IL1RAPL1: variants seen among roughly 807,000 people sequenced by gnomAD.
The protein encoded by IL1RAPL1 is interleukin 1 receptor accessory protein like 1.
IL1RAPL1 carries 3 observed loss-of-function variants against 48.4 expected under a neutral mutation model. The ratio of observed to expected loss-of-function variants is 0.06; its 90% CI spans 0.03 to 0.16. The LOEUF (loss-of-function observed/expected upper bound fraction) is 0.16. Among genes scored for constraint, IL1RAPL1 ranks in the 10% least tolerant of loss-of-function variants. IL1RAPL1 has a pLI of 1.00. For missense variants in IL1RAPL1, 349 were observed against 530.6 expected (o/e 0.66, Z 3.36); for synonymous variants, 185 against 187.7 (o/e 0.99, Z 0.12).
At chrX:29,356,489 A>G (rs1602191704) in intron 3 of IL1RAPL1, among the ~76,000 whole-genome samples, 2 of 112,161 alleles carry the variant, frequency 1.8e-5, no homozygotes, top group East Asian at 5.6e-4. Context: ...ACATATATGT[A>G]TATAGACATG....
intron 6 of IL1RAPL1, among the ~76,000 whole-genome samples, chrX:29,673,291 C>T (rs1056935807): frequency 9.0e-6 from 1 of 111,275 alleles, no homozygotes; most frequent in Non-Finnish European, 1.9e-5. Flanking sequence ...AATTTGATAC[C>T]GAATTCTGAA....
chrX:29,264,727 G>A (rs1931921868), intron 2 of IL1RAPL1, among the ~76,000 whole-genome samples: 1 of 110,063 alleles, frequency 9.1e-6, no homozygotes, highest in African/African-American at 3.3e-5. Context: ...CAGAAACTGG[G>A]TTCTCAATTA....
chrX:29,278,236 A>G (rs748718726), intron 2 of IL1RAPL1, among the ~76,000 whole-genome samples: 1 of 112,337 alleles, frequency 8.9e-6, no homozygotes, highest in African/African-American at 3.2e-5. Flanking sequence ...AATTAAAAAT[A>G]CTTTTTCTAC....
chrX:28,960,338 T>C (rs1924735033), intron 2 of IL1RAPL1, among the ~76,000 whole-genome samples: 2 of 111,681 alleles, frequency 1.8e-5, no homozygotes, highest in South Asian at 7.5e-4. Context: ...TTTTAAAGTA[T>C]TTCCCAGTAT....
rs568841235 is a variant in IL1RAPL1, at chrX:29,745,627, A to G, written c.778+77123A>G. Among the ~76,000 whole-genome samples the G allele has an allele frequency of 3.5e-3, 373 of 107,214 alleles. 2 individuals are homozygous for G. Among genetic ancestry groups the G allele is most frequent in the Middle Eastern group, 0.014 (3 of 209 alleles). The allele number at this position is 107,214 out of a possible 115,157, so 93.1% of individuals were successfully genotyped here. ...ATGCCCGGCTCATTTTTGTATTTTT[A>G]GTAGAGATGGGGTTTCACCATGTTA... On this transcript the variant is annotated intron_variant, in intron 6 of 10. Coordinates refer to ENST00000378993, the MANE Select transcript of IL1RAPL1 (RefSeq NM_014271.4).
At chrX:29,794,273 G>GT (rs1329299519) in intron 6 of IL1RAPL1, among the ~76,000 whole-genome samples, 3 of 110,748 alleles carry the variant, frequency 2.7e-5, no homozygotes, top group Non-Finnish European at 5.7e-5. Context: ...TCACAACTTC[G>GT]TTAAAAAAAA....
At chrX:29,218,904 T>C (rs994220697) in intron 2 of IL1RAPL1, among the ~76,000 whole-genome samples, 1 of 112,410 alleles carries the variant, frequency 8.9e-6, no homozygotes, top group African/African-American at 3.2e-5. Context: ...GGAAGAAATA[T>C]TGATTTGCCA....
chrX:29,800,495 T>TACACAC (rs111338514), intron 6 of IL1RAPL1, among the ~76,000 whole-genome samples: 88 of 103,816 alleles, frequency 8.5e-4, no homozygotes, highest in African/African-American at 2.9e-3. Flanking sequence ...ATATCCCAAA[T>TACACAC]ACACACACAC....
intron 2 of IL1RAPL1, among the ~76,000 whole-genome samples, chrX:28,915,129 GCA>G (rs1923456719): frequency 9.0e-6 from 1 of 111,440 alleles, no homozygotes; most frequent in Non-Finnish European, 1.9e-5. Flanking sequence ...TCCCTTGCAT[GCA>G]CAGTTTACAA....
intron 2 of IL1RAPL1, among the ~76,000 whole-genome samples, chrX:28,818,552 A>G (rs1936895215): frequency 9.0e-6 from 1 of 110,791 alleles, no homozygotes; most frequent in South Asian, 3.7e-4. Flanking sequence ...ATACAACAAC[A>G]TAAATACATC....
intron 6 of IL1RAPL1, among the ~76,000 whole-genome samples, chrX:29,890,049 A>G (rs1318005564): frequency 9.0e-6 from 1 of 111,583 alleles, no homozygotes; most frequent in East Asian, 2.8e-4. Flanking sequence ...TAAAGATAAG[A>G]ATGTTAAAAG....
At chrX:28,621,447 C>T (rs1934284288) in intron 1 of IL1RAPL1, among the ~76,000 whole-genome samples, 1 of 112,012 alleles carries the variant, frequency 8.9e-6, no homozygotes, top group African/African-American at 3.2e-5. Context: ...CCACATTTGA[C>T]ATGGCAATGC....
intron 3 of IL1RAPL1, among the ~76,000 whole-genome samples, chrX:29,309,589 G>C (rs1223202423): frequency 9.0e-6 from 1 of 111,571 alleles, no homozygotes; most frequent in Non-Finnish European, 1.9e-5. Flanking sequence ...AAGTCGACTA[G>C]ATCACCTGAG....
intron 6 of IL1RAPL1, among the ~76,000 whole-genome samples, chrX:29,787,481 G>C (rs1238570178): frequency 8.9e-6 from 1 of 111,987 alleles, no homozygotes; most frequent in Admixed American, 9.5e-5. Context: ...TTAGTAATGT[G>C]TTATTTTTTG....
intron 2 of IL1RAPL1, among the ~76,000 whole-genome samples, chrX:28,850,040 T>C (rs1264281611): frequency 8.9e-6 from 1 of 111,961 alleles, no homozygotes; most frequent in African/African-American, 3.2e-5. Flanking sequence ...TTTTCTGTTT[T>C]TGTGGTCAAT....
Position 29,367,983 on chromosome X carries a change from C to T in IL1RAPL1, c.363-28275C>T, listed in dbSNP as rs1264620960. On this transcript the variant is annotated intron_variant, in intron 3 of 10. Coordinates refer to ENST00000378993, the MANE Select transcript of IL1RAPL1 (RefSeq NM_014271.4). ...TGTATTATTTATATATTTGTATTTA[C>T]TACATATATATGTGTATATATAATA... Among the ~76,000 whole-genome samples, 6 of 110,218 alleles carry T rather than the reference C, an allele frequency of 5.4e-5. No individual in the cohort carries two copies. The East Asian group carries it at 1.7e-3, about 31-fold the overall frequency.
chrX:29,272,539 G>C (rs1426064310), intron 2 of IL1RAPL1, among the ~76,000 whole-genome samples: 1 of 111,239 alleles, frequency 9.0e-6, no homozygotes, highest in East Asian at 2.8e-4. Flanking sequence ...GCCTCACGGG[G>C]TTCCTTTGTA....
At chrX:28,710,096 A>T (rs1418702970) in intron 1 of IL1RAPL1, among the ~76,000 whole-genome samples, 1 of 110,949 alleles carries the variant, frequency 9.0e-6, no homozygotes, top group Non-Finnish European at 1.9e-5. Context: ...ATTCTATTTT[A>T]AAAATTAATC....
chrX:29,256,838 A>G (rs1931765848), intron 2 of IL1RAPL1, among the ~76,000 whole-genome samples: 1 of 111,706 alleles, frequency 9.0e-6, no homozygotes, highest in Non-Finnish European at 1.9e-5. Context: ...AAACAGCTCT[A>G]TACAGTGGGT....
Sources: allele counts gnomAD v4.1 joint callset (sites outside exome capture counted in the v4.1 genomes callset), GRCh38; gene constraint gnomAD v4.1.1; transcripts MANE v1.5; gene names NCBI Gene and HGNC (gene_info 2026-07-23, HGNC 2026-07-21).